GRIK2: variants seen among roughly 807,000 people sequenced by gnomAD.
GRIK2 encodes glutamate ionotropic receptor kainate type subunit 2.
A neutral mutation model predicts 100.3 loss-of-function variants in GRIK2; 32 were observed. The ratio of observed to expected loss-of-function variants is 0.32; its 90% CI spans 0.24 to 0.43. GRIK2 has a LOEUF of 0.43. Ranked by LOEUF, GRIK2 falls within the 20% of genes least tolerant of loss-of-function variation. The pLI, the probability that GRIK2 is intolerant of heterozygous loss-of-function variation, is 1.00. For missense variants in GRIK2, 843 were observed against 1,114.9 expected, an observed-to-expected ratio of 0.76 and a Z score of 3.47; for synonymous variants, 417 against 389.4, an observed-to-expected ratio of 1.07 and a Z score of -0.83.
intron 2 of GRIK2, among the ~76,000 whole-genome samples, chr6:101,466,057 C>T (rs1390469457): frequency 6.6e-6 from 1 of 152,060 alleles, no homozygotes; most frequent in African/African-American, 2.4e-5. Context: ...TTGTCATTGA[C>T]ACTCTAGGCT....
At chr6:101,849,630 A>G (rs558494297) in intron 10 of GRIK2, among the ~76,000 whole-genome samples, 1 of 152,192 alleles carries the variant, frequency 6.6e-6, no homozygotes, top group East Asian at 1.9e-4. Flanking sequence ...AGAGGGCAGT[A>G]ATAAGATATA....
chr6:101,709,085 G>A (rs770484653), intron 7 of GRIK2, among the ~76,000 whole-genome samples: 5 of 151,562 alleles, frequency 3.3e-5, no homozygotes, highest in Non-Finnish European at 5.9e-5. Context: ...AAACAGAAGA[G>A]GGAAATTGGA....
intron 14 of GRIK2, among the ~76,000 whole-genome samples, chr6:101,969,708 A>G (rs1792918349): frequency 6.6e-6 from 1 of 152,100 alleles, no homozygotes; most frequent in African/African-American, 2.4e-5. Flanking sequence ...TAATCTTTGT[A>G]GATGAAATGT....
chr6:101,662,205 G>A (rs1471218431), intron 4 of GRIK2, among the ~76,000 whole-genome samples: 1 of 152,200 alleles, frequency 6.6e-6, no homozygotes, highest in African/African-American at 2.4e-5. Context: ...TCCAATTGCT[G>A]GACTCAGTAG....
chr6:101,462,600 C>G (rs1771383435), intron 2 of GRIK2, among the ~76,000 whole-genome samples: 1 of 149,324 alleles, frequency 6.7e-6, no homozygotes, highest in African/African-American at 2.4e-5. Context: ...AGTATCATTA[C>G]ACACACTGAT....
Position 101,399,049 on chromosome 6 carries a change from T to C in GRIK2, c.-229T>C, listed in dbSNP as rs1775135423. ...TCTCCCGGATGCTCTCCGACTAACA[T>C]GGATGTCCCACCATTCCTTGCAGTG... On this transcript the variant is annotated 5_prime_UTR_variant, in exon 2 of 17. An upstream start codon of the reference 5' UTR is lost. Transcript: ENST00000369134. 1 of 476,008 alleles carries C rather than the reference T, an allele frequency of 2.1e-6. No homozygotes were observed. Among genetic ancestry groups the C allele is most frequent in the Non-Finnish European group, 3.7e-6 (1 of 268,866 alleles). 29.5% of individuals were successfully genotyped at this position (476,008 alleles called of 1,614,324 possible).
intron 10 of GRIK2, among the ~76,000 whole-genome samples, chr6:101,858,519 T>C (rs952423285): frequency 1.3e-5 from 2 of 150,730 alleles, no homozygotes; most frequent in Admixed American, 6.6e-5. Context: ...CCTGAATAGC[T>C]GGGACTACAG....
chr6:101,703,545 T>C (rs1773042732), intron 7 of GRIK2, among the ~76,000 whole-genome samples: 1 of 151,690 alleles, frequency 6.6e-6, no homozygotes. Flanking sequence ...CTGGACTGTA[T>C]TGAGGGAATG....
intron 12 of GRIK2, among the ~76,000 whole-genome samples, chr6:101,919,611 C>A (rs1789363342): frequency 1.3e-5 from 2 of 151,610 alleles, no homozygotes; most frequent in South Asian, 4.2e-4. Context: ...GTTTTGTAAT[C>A]ATCAGTATAG....
At chr6:101,464,497 C>CTTTTTTTTTTTT (rs71028069) in intron 2 of GRIK2, among the ~76,000 whole-genome samples, 5 of 62,012 alleles carry the variant, frequency 8.1e-5, no homozygotes, top group Admixed American at 4.3e-4. Context: ...CTTTTTCTTT[C>CTTTTTTTTTTTT]TTTTTTTTTT....
intron 14 of GRIK2, among the ~76,000 whole-genome samples, chr6:101,972,633 C>T (rs1477316698): frequency 1.3e-5 from 2 of 149,880 alleles, no homozygotes; most frequent in East Asian, 2.0e-4. Flanking sequence ...AAATTATTTG[C>T]CAAGGTCAAT....
intron 14 of GRIK2, among the ~76,000 whole-genome samples, chr6:101,952,894 T>C (rs1388399846): frequency 6.6e-6 from 1 of 152,192 alleles, no homozygotes; most frequent in Non-Finnish European, 1.5e-5. Flanking sequence ...TAAAACTTTT[T>C]CAACATTTTG....
intron 2 of GRIK2, among the ~76,000 whole-genome samples, chr6:101,532,015 C>T (rs900112266): frequency 6.6e-6 from 1 of 151,804 alleles, no homozygotes; most frequent in East Asian, 1.9e-4. Flanking sequence ...TTTATAAAAC[C>T]TAAGTATTGT....
chr6:101,910,715 C>A (rs1382344740), intron 12 of GRIK2, among the ~76,000 whole-genome samples: 1 of 150,998 alleles, frequency 6.6e-6, no homozygotes, highest in Middle Eastern at 3.2e-3. Flanking sequence ...ATAGATCTTA[C>A]CATTTATCTT....
At chr6:101,487,939 G>A (rs1047869650) in intron 2 of GRIK2, among the ~76,000 whole-genome samples, 1 of 145,230 alleles carries the variant, frequency 6.9e-6, no homozygotes, top group Non-Finnish European at 1.5e-5. Context: ...TATCCACTAC[G>A]GGAAAAAAAA....
At chr6:101,612,420 G>C (rs913671425) in intron 2 of GRIK2, among the ~76,000 whole-genome samples, 1 of 151,842 alleles carries the variant, frequency 6.6e-6, no homozygotes. Flanking sequence ...ATTAATGTTT[G>C]TAAAATACAC....
chr6:102,067,640 G>C (rs1772081915), intron 16 of GRIK2, among the ~76,000 whole-genome samples: 1 of 151,752 alleles, frequency 6.6e-6, no homozygotes, highest in African/African-American at 2.4e-5. Context: ...AAGCAACATA[G>C]GGTCATATTT....
intron 6 of GRIK2, among the ~76,000 whole-genome samples, chr6:101,684,992 T>C (rs1445386523): frequency 6.6e-6 from 1 of 152,100 alleles, no homozygotes; most frequent in Admixed American, 6.6e-5. Context: ...ACCTTCCTGC[T>C]TCTGTGTCTT....
chr6:101,792,518 G>C (rs1253629301), intron 7 of GRIK2, among the ~76,000 whole-genome samples: 3 of 151,846 alleles, frequency 2.0e-5, no homozygotes, highest in Non-Finnish European at 2.9e-5. Context: ...TTTTCTTTAA[G>C]AATGTTGAAT....
Sources: gnomAD v4.1 joint callset for allele counts (sites outside exome capture counted in the v4.1 genomes callset) on GRCh38, gnomAD v4.1.1 for gene constraint, MANE v1.5 for transcripts, NCBI Gene and HGNC (gene_info 2026-07-23, HGNC 2026-07-21) for gene names.